The following EXOC4 variants were observed in gnomAD, a reference collection of about 807,000 sequenced individuals.
EXOC4 encodes SEC8-like 1.
A neutral mutation model predicts 107.2 loss-of-function variants in EXOC4; 71 were observed. The observed-to-expected ratio is 0.66, with a 90% confidence interval of 0.55 to 0.81. The LOEUF (loss-of-function observed/expected upper bound fraction) is 0.81, where lower values mean the gene tolerates loss of function less well. EXOC4 is among the 30% of genes least tolerant of loss of function. The pLI, the probability that EXOC4 is intolerant of heterozygous loss-of-function variation, is 0.00. For synonymous variants in EXOC4, 456 were observed against 441.2 expected, an observed-to-expected ratio of 1.03 and a Z score of -0.42; for missense variants, 1,108 against 1,189.6, an observed-to-expected ratio of 0.93 and a Z score of 1.01.
intron 10 of EXOC4, among the ~76,000 whole-genome samples, chr7:133,766,061 C>G (rs911045157): frequency 4.0e-5 from 6 of 151,818 alleles, no homozygotes; most frequent in African/African-American, 1.2e-4. Flanking sequence ...ACCAGGAGTC[C>G]TTAGTGAAGT....
chr7:133,777,863 A>G (rs138686328), intron 10 of EXOC4, among the ~76,000 whole-genome samples: 6 of 152,354 alleles, frequency 3.9e-5, no homozygotes, highest in East Asian at 1.9e-4. Context: ...TAGCTAGTAT[A>G]TATGAATGAC....
At chr7:133,873,070 A>G (rs1035385326) in intron 11 of EXOC4, among the ~76,000 whole-genome samples, 5 of 152,150 alleles carry the variant, frequency 3.3e-5, no homozygotes, top group Non-Finnish European at 7.4e-5. Flanking sequence ...AGCATTTTGG[A>G]GGGCCCAGGT....
intron 4 of EXOC4, among the ~76,000 whole-genome samples, chr7:133,306,439 T>G (rs1320042097): frequency 6.6e-6 from 1 of 152,130 alleles, no homozygotes; most frequent in Non-Finnish European, 1.5e-5. Context: ...GGCTTATGCT[T>G]GTAATCCCAG....
At chr7:133,452,726 C>T (rs759496815) in intron 7 of EXOC4, among the ~76,000 whole-genome samples, 7 of 151,750 alleles carry the variant, frequency 4.6e-5, no homozygotes, top group African/African-American at 1.7e-4. Flanking sequence ...CCCTGTGGAA[C>T]ATGTGCTTAG....
the EXOC4 span, among the ~76,000 whole-genome samples, chr7:134,084,709 TAAAA>T: frequency 3.6e-5 from 3 of 83,178 alleles, no homozygotes. Context: ...GGTGCAGCCG[TAAAA>T]AAAAAAAAAA....
At chr7:133,800,659 C>G (rs907861392) in intron 10 of EXOC4, among the ~76,000 whole-genome samples, 2 of 152,112 alleles carry the variant, frequency 1.3e-5, no homozygotes, top group African/African-American at 4.8e-5. Context: ...GAACAATAGT[C>G]AAAAAGAATT....
At chr7:133,721,837 A>G (rs1290530277) in intron 10 of EXOC4, among the ~76,000 whole-genome samples, 1 of 152,210 alleles carries the variant, frequency 6.6e-6, no homozygotes, top group Non-Finnish European at 1.5e-5. Flanking sequence ...CCACTAAATG[A>G]TGATATTCTG....
chr7:133,512,127 C>T (rs1258698811), intron 9 of EXOC4, among the ~76,000 whole-genome samples: 7 of 152,138 alleles, frequency 4.6e-5, no homozygotes, highest in South Asian at 2.1e-4. Context: ...GTGAAAGGAA[C>T]GTATAGAGTG....
the EXOC4 span, among the ~76,000 whole-genome samples, chr7:134,083,804 A>G: frequency 6.6e-6 from 1 of 152,166 alleles, no homozygotes; most frequent in Non-Finnish European, 1.5e-5. Flanking sequence ...CATAGATCCT[A>G]CCTCTCAACA....
chr7:133,897,199 T>A (rs1176178835), intron 12 of EXOC4, among the ~76,000 whole-genome samples: 2 of 151,848 alleles, frequency 1.3e-5, no homozygotes, highest in Non-Finnish European at 2.9e-5. Flanking sequence ...CAACATAGAT[T>A]AATGCTTATC....
At chr7:133,311,030 A>C (rs947902730) in intron 4 of EXOC4, among the ~76,000 whole-genome samples, 4 of 152,192 alleles carry the variant, frequency 2.6e-5, no homozygotes, top group Admixed American at 2.0e-4. Context: ...AGAATTGACA[A>C]ATGAAAGAAA....
At chr7:133,547,926 C>T (rs1020576473) in intron 9 of EXOC4, among the ~76,000 whole-genome samples, 6 of 152,050 alleles carry the variant, frequency 3.9e-5, no homozygotes, top group African/African-American at 1.2e-4. Flanking sequence ...TTTGTAATGG[C>T]ATCTAGCATG....
intron 9 of EXOC4, among the ~76,000 whole-genome samples, chr7:133,515,661 G>T (rs1019068789): frequency 1.3e-5 from 2 of 152,074 alleles, no homozygotes; most frequent in African/African-American, 4.8e-5. Flanking sequence ...TAGTGACAAG[G>T]TCTTGCTACA....
Position 134,064,797 on chromosome 7 carries a change from G to A in EXOC4, c.*269G>A, listed in dbSNP as rs1132683. 0.17 allele frequency: 40,510 copies of A among 238,914 alleles called. 4,369 individuals are homozygous for A. The highest frequency in any genetic ancestry group is 0.31 in the African/African-American group (13,906 of 44,680). 14.8% of individuals were successfully genotyped at this position (238,914 alleles called of 1,614,324 possible). A position where few individuals can be genotyped will look rare whatever the true frequency, so the allele number is the denominator to read the frequency against. On this transcript the variant is annotated 3_prime_UTR_variant, in exon 18 of 18. Transcript: ENST00000253861. ...ATAGGGAGGAAGGTGGTATCAAATT[G>A]TTGGACTCTGAAAAACAAGTGGATG...
intron 12 of EXOC4, among the ~76,000 whole-genome samples, chr7:133,906,396 C>T (rs572641300): frequency 2.0e-5 from 3 of 152,254 alleles, no homozygotes; most frequent in South Asian, 4.2e-4. Flanking sequence ...CCTTTAAACA[C>T]GGGGGCTTGC....
chr7:133,792,840 C>A (rs985764398), intron 10 of EXOC4, among the ~76,000 whole-genome samples: 2 of 152,112 alleles, frequency 1.3e-5, no homozygotes, highest in Admixed American at 1.3e-4. Flanking sequence ...TATCGTTCTT[C>A]AAGAAAAGGT....
intron 9 of EXOC4, among the ~76,000 whole-genome samples, chr7:133,578,041 A>G (rs183747113): frequency 1.8e-3 from 270 of 152,280 alleles, no homozygotes; most frequent in Middle Eastern, 0.014. Flanking sequence ...ATAACCCCCT[A>G]ATAAATAGAT....
intron 7 of EXOC4, among the ~76,000 whole-genome samples, chr7:133,419,014 C>A (rs1797542690): frequency 6.6e-6 from 1 of 152,030 alleles, no homozygotes; most frequent in African/African-American, 2.4e-5. Flanking sequence ...TAAAGTGGTT[C>A]AATATGATAT....
intron 3 of EXOC4, among the ~76,000 whole-genome samples, chr7:133,293,298 C>T (rs1471166584): frequency 6.6e-6 from 1 of 152,150 alleles, no homozygotes; most frequent in Non-Finnish European, 1.5e-5. Context: ...TATAATTGCT[C>T]TTTCATTGGA....
Sources: allele counts gnomAD v4.1 joint callset (sites outside exome capture counted in the v4.1 genomes callset), GRCh38; gene constraint gnomAD v4.1.1; transcripts MANE v1.5; gene names NCBI Gene and HGNC (gene_info 2026-07-23, HGNC 2026-07-21).